The following PIK3C3 variants were observed in gnomAD, a reference collection of about 807,000 sequenced individuals.
PIK3C3 encodes the protein phosphatidylinositol 3-kinase catalytic subunit type 3.
In PIK3C3, 95 loss-of-function variants were observed where a neutral mutation model predicts 126.1. That is an observed-to-expected ratio of 0.75 (90% CI 0.64 to 0.89). PIK3C3 has a LOEUF of 0.89. Among genes scored for constraint, PIK3C3 ranks in the 40% least tolerant of loss-of-function variants. The pLI is 0.00. For missense variants in PIK3C3, 829 were observed against 1,063.2 expected, an observed-to-expected ratio of 0.78 and a Z score of 3.06; for synonymous variants, 374 against 360.0, an observed-to-expected ratio of 1.04 and a Z score of -0.44.
At position 42,004,438 on chromosome 18, in the gene PIK3C3, A is replaced by G; in HGVS notation, c.1067A>G (p.Lys356Arg). 1.2e-6 allele frequency: 2 copies of G among 1,613,842 alleles called. No individual in the cohort carries two copies. Among genetic ancestry groups the G allele is most frequent in the Non-Finnish European group, 1.7e-6 (2 of 1,179,824 alleles). Residue 356 changes from lysine (K) to arginine (R), a missense_variant, in exon 10 of 25, where the codon AAG (lysine) becomes AGG (arginine). Physicochemically the swap from Lys to Arg is conservative, Grantham distance 26. This residue lies in a region of PIK3C3 where 64 missense variants were observed against 118.7 expected (regional missense o/e 0.54). Transcript: ENST00000262039. ...KQALELLGKWKPMDVEDSLEL... is the reference protein window; with the variant it reads ...KQALELLGKWRPMDVEDSLEL... The stretch of plus-strand genomic sequence containing the variant: ...GCCTTGGAACTTCTGGGAAAATGGA[A>G]GCCGATGGATGTAGAGGACTCCTTG...
Position 42,013,500 on chromosome 18 carries a change from A to C in PIK3C3, c.1229A>C (p.Asp410Ala). 1 of 1,590,356 alleles carries C rather than the reference A, an allele frequency of 6.3e-7. No individual in the cohort carries two copies. The highest frequency in any genetic ancestry group is 8.6e-7 in the Non-Finnish European group (1 of 1,165,026). Residue 410 changes from aspartate to alanine, a missense_variant, in exon 11 of 25, where the codon GAT becomes GCT. By Grantham distance (126) the Asp-to-Ala change is moderately radical. Coordinates refer to ENST00000262039, the MANE Select transcript of PIK3C3 (RefSeq NM_002647.4). ...VQALKYENFD[D>A]IKNGLEPTKK... is the part of the protein sequence containing the mutation. The stretch of plus-strand genomic sequence containing the variant: ...GCTCTCAAATATGAAAATTTTGATG[A>C]TATAAAGAATGGATTGGAACCTACC...
At chr18:42,004,603 C>T in intron 10 of PIK3C3, 62 bp downstream of exon 10, 1 of 1,307,442 alleles carries the variant, frequency 7.6e-7, no homozygotes, top group Non-Finnish European at 1.1e-6. Flanking sequence ...TAATTATAAA[C>T]TATGTGTGTA....
At chr18:42,011,524 T>C (rs988335295) in intron 10 of PIK3C3, among the ~76,000 whole-genome samples, 1 of 152,232 alleles carries the variant, frequency 6.6e-6, no homozygotes, top group Non-Finnish European at 1.5e-5. Flanking sequence ...TTGCTCTGGA[T>C]TGGGCTTTCA....
intron 2 of PIK3C3, among the ~76,000 whole-genome samples, chr18:41,960,959 C>T (rs1980054155): frequency 6.6e-6 from 1 of 152,072 alleles, no homozygotes; most frequent in African/African-American, 2.4e-5. Context: ...CGAAGCTCAT[C>T]TTGAACTCCT....
intron 4 of PIK3C3, among the ~76,000 whole-genome samples, chr18:41,972,788 T>C (rs1980733098): frequency 6.6e-6 from 1 of 152,154 alleles, no homozygotes; most frequent in South Asian, 2.1e-4. Flanking sequence ...TTTGATGTAT[T>C]GTGCTAACTC....
At position 42,049,769 on chromosome 18, in the gene PIK3C3, T is replaced by G. The variant is rs1984715700; in HGVS notation, c.2263+164T>G. 16 of 519,162 alleles carry G rather than the reference T, an allele frequency of 3.1e-5. No homozygotes were observed. The South Asian group carries it at 3.4e-4, about 11-fold the overall frequency. The allele number at this position is 519,162 out of a possible 1,614,324, so 32.2% of individuals were successfully genotyped here. On this transcript the variant is annotated intron_variant, in intron 21 of 24. Coordinates refer to ENST00000262039, the MANE Select transcript of PIK3C3 (RefSeq NM_002647.4). ...CGGGTGGATCACCTGAGGTTGGGAG[T>G]TCGAGACCAGCCTGACCAACATGGA...
At chr18:42,053,502 G>A (rs1486288386) in intron 21 of PIK3C3, among the ~76,000 whole-genome samples, 1 of 152,138 alleles carries the variant, frequency 6.6e-6, no homozygotes, top group African/African-American at 2.4e-5. Context: ...TTACTTATTA[G>A]TGCATTACTA....
intron 6 of PIK3C3, among the ~76,000 whole-genome samples, chr18:41,992,358 G>C (rs1981820711): frequency 6.6e-6 from 1 of 152,144 alleles, no homozygotes; most frequent in South Asian, 2.1e-4. Context: ...CAACGGCTGT[G>C]GGAATTTGTG....
intron 12 of PIK3C3, among the ~76,000 whole-genome samples, chr18:42,019,386 A>T (rs1268021079): frequency 6.6e-6 from 1 of 152,108 alleles, no homozygotes; most frequent in East Asian, 1.9e-4. Context: ...AGTCCATATC[A>T]TTCTGGCTCT....
At chr18:41,988,553 G>A (rs1981611765) in intron 5 of PIK3C3, among the ~76,000 whole-genome samples, 1 of 152,006 alleles carries the variant, frequency 6.6e-6, no homozygotes, top group African/African-American at 2.4e-5. Flanking sequence ...TAGGAGAGAA[G>A]GACATCAATT....
At chr18:42,063,753 A>G (rs1456634188) in intron 22 of PIK3C3, among the ~76,000 whole-genome samples, 1 of 152,116 alleles carries the variant, frequency 6.6e-6, no homozygotes, top group African/African-American at 2.4e-5. Context: ...TATTATTATC[A>G]TTATAGATAG....
intron 1 of PIK3C3, among the ~76,000 whole-genome samples, chr18:41,956,466 C>T (rs1019118245): frequency 6.6e-6 from 1 of 150,780 alleles, no homozygotes; most frequent in Non-Finnish European, 1.5e-5. Flanking sequence ...CAGCTTGATG[C>T]TCAGTATTTC....
chr18:41,982,623 A>G (rs1436914996), intron 4 of PIK3C3, among the ~76,000 whole-genome samples: 1 of 152,174 alleles, frequency 6.6e-6, no homozygotes, highest in East Asian at 1.9e-4. Flanking sequence ...TTCTTACTAC[A>G]AAGATAATAT....
At chr18:41,986,351 C>T (rs1168801517) in intron 4 of PIK3C3, among the ~76,000 whole-genome samples, 2 of 151,924 alleles carry the variant, frequency 1.3e-5, no homozygotes, top group Admixed American at 6.6e-5. Context: ...GTAAAATGAC[C>T]TTTTACATTT....
chr18:41,973,202 G>A (rs1156866968), intron 4 of PIK3C3, among the ~76,000 whole-genome samples: 3 of 152,002 alleles, frequency 2.0e-5, no homozygotes, highest in Non-Finnish European at 4.4e-5. Context: ...TTGTTTGCAG[G>A]TCATTCCTTT....
chr18:42,057,859 A>AAT (rs1434208840), intron 21 of PIK3C3, 24 bp from the exon 22 acceptor site: 1 of 1,611,392 alleles, frequency 6.2e-7, no homozygotes, highest in Admixed American at 1.7e-5. Context: ...TCTGGAAACA[A>AAT]ATGAGTTTCT....
At chr18:42,064,903 C>T in intron 23 of PIK3C3, 73 bp downstream of exon 23, 1 of 769,662 alleles carries the variant, frequency 1.3e-6, no homozygotes, top group South Asian at 1.5e-5. Flanking sequence ...AACAACCTCT[C>T]AAGTCTCTGC....
intron 22 of PIK3C3, 100 bp from the exon 23 acceptor site, chr18:42,064,640 T>C: frequency 1.6e-6 from 1 of 639,736 alleles, no homozygotes. Flanking sequence ...GTAATCACTG[T>C]AGAAATCCAA....
intron 1 of PIK3C3, 30 bp from the exon 2 acceptor site, chr18:41,957,540 T>A (rs1568108125): frequency 6.3e-7 from 1 of 1,595,590 alleles, no homozygotes; most frequent in Non-Finnish European, 8.5e-7. Flanking sequence ...AAAATTCATG[T>A]CTGAAACATT....
Sources: allele counts gnomAD v4.1 joint callset (sites outside exome capture counted in the v4.1 genomes callset), GRCh38; gene constraint gnomAD v4.1.1; regional missense constraint gnomAD v4.1.1; transcripts MANE v1.5; gene names NCBI Gene and HGNC (gene_info 2026-07-23, HGNC 2026-07-21).